PLA2G15: variants seen among roughly 807,000 people sequenced by gnomAD.
PLA2G15 encodes lysosomal phospholipase A and acyltransferase.
Under a neutral mutation model 40.9 loss-of-function variants are expected in PLA2G15, and 20 were observed. The ratio of observed to expected loss-of-function variants is 0.49; its 90% CI spans 0.34 to 0.71. The LOEUF is 0.71. PLA2G15 is among the 30% of genes least tolerant of loss of function. PLA2G15 has a pLI of 0.01. For missense variants in PLA2G15, 471 were observed against 541.9 expected (o/e 0.87, Z 1.30); for synonymous variants, 223 against 228.2 (o/e 0.98, Z 0.21).
intron 1 of PLA2G15, chr16:68,248,141 C>T (rs2042324512): frequency 6.6e-6 from 1 of 152,300 alleles, no homozygotes; most frequent in Non-Finnish European, 1.5e-5. Context: ...GGACTCTGGC[C>T]TTTAGTAAGG....
intron 2 of PLA2G15, among the ~76,000 whole-genome samples, chr16:68,252,320 T>C (rs1479316648): frequency 1.3e-5 from 2 of 152,202 alleles, no homozygotes; most frequent in Non-Finnish European, 2.9e-5. Context: ...GGCTGATATC[T>C]AAGTGGGCAA....
At position 68,255,328 on chromosome 16, in the gene PLA2G15, C is replaced by T. The variant is rs200627268; in HGVS notation, c.450C>T (p.Tyr150=). The T allele has an allele frequency of 6.2e-6, 10 of 1,614,010 alleles. No individual in the cohort carries two copies. Among genetic ancestry groups the T allele is most frequent in the Middle Eastern group, 1.7e-4 (1 of 6,060 alleles). The stretch of plus-strand genomic sequence containing the variant: ...TGGAGAGCCTTGTGGGCTGGGGCTA[C>T]ACACGGGGTGAGGATGTCCGAGGGG... The part of the protein sequence containing the change: ...TMVESLVGWG[Y]TRGEDVRGAP... Residue 150 remains tyrosine (Y), a synonymous_variant, in exon 4 of 6, where the codon TAC becomes TAT. Transcript: ENST00000219345. This position sits in a 1 kb window ranked among gnomAD's most constrained non-coding sequence, Gnocchi z 5.9.
In PLA2G15 at chr16:68,255,642, C is replaced by A; in HGVS notation, c.503-124C>A. On this transcript the variant is annotated intron_variant, in intron 4 of 5. Coordinates refer to ENST00000219345, the MANE Select transcript of PLA2G15 (RefSeq NM_012320.4). The surrounding 1 kb of genome is among the most constrained non-coding windows in gnomAD (Gnocchi z 5.9). ...TTCATGGAAGGCGGGGGGACCCAGA[C>A]CGCTCTGTTTGAATGTGAGCACCCT... The A allele has an allele frequency of 1.3e-6, 1 of 790,472 alleles. No individual in the cohort carries two copies. Among genetic ancestry groups the A allele is most frequent in the Non-Finnish European group, 2.1e-6 (1 of 471,992 alleles). The allele number at this position is 790,472 out of a possible 1,614,324, so 49.0% of individuals were successfully genotyped here.
chr16:68,256,701 G>A (rs747839770), intron 5 of PLA2G15, among the ~76,000 whole-genome samples: 2 of 151,824 alleles, frequency 1.3e-5, no homozygotes, highest in Non-Finnish European at 2.9e-5. Context: ...GTAGAGATGA[G>A]GTTTCATCAT....
chr16:68,251,252 G>A (rs999494814), intron 2 of PLA2G15, among the ~76,000 whole-genome samples: 11 of 152,180 alleles, frequency 7.2e-5, no homozygotes, highest in African/African-American at 2.4e-4. Flanking sequence ...AATGTGTGGC[G>A]TTGAGCTGAG....
chr16:68,255,699 A>C lies in PLA2G15; in HGVS notation c.503-67A>C, dbSNP rs1190621108. 1 of 1,358,444 alleles carries C rather than the reference A, an allele frequency of 7.4e-7. No homozygotes were observed. The highest frequency in any genetic ancestry group is 1.4e-5 in the African/African-American group (1 of 69,924). 84.1% of individuals were successfully genotyped at this position (1,358,444 alleles called of 1,614,324 possible). A position where few individuals can be genotyped will look rare whatever the true frequency, so the allele number is the denominator to read the frequency against. ...CCCCTCTCGTCTTGTGTCTGGCCTG[A>C]GAAAAGCTCAGTGGTTCCGGCTCCA... On this transcript the variant is annotated intron_variant, in intron 4 of 5. Coordinates refer to ENST00000219345, the MANE Select transcript of PLA2G15 (RefSeq NM_012320.4). The surrounding 1 kb of genome is among the most constrained non-coding windows in gnomAD (Gnocchi z 5.9).
chr16:68,259,074 C>T lies in PLA2G15; in HGVS notation c.728-72C>T, dbSNP rs749652499. On this transcript the variant is annotated intron_variant, in intron 5 of 5. Transcript: ENST00000219345. The surrounding 1 kb of genome is among the most constrained non-coding windows in gnomAD (Gnocchi z 6.5). The stretch of plus-strand genomic sequence containing the variant: ...GCCCCTGGCTGGGGTCTGGCAGGGG[C>T]CTGGTGGTGAACATGCTGCCCAACC... The T allele has an allele frequency of 2.9e-5, 40 of 1,363,312 alleles. No homozygotes were observed. The highest frequency in any genetic ancestry group is 4.0e-5 in the Non-Finnish European group (39 of 986,966). 84.5% of individuals were successfully genotyped at this position (1,363,312 alleles called of 1,614,324 possible).
chr16:68,245,480 G>C lies in PLA2G15; in HGVS notation c.54G>C (p.Leu18=), dbSNP rs767610937. ...TGGGGCTGCTCCCGGATGGCCTCCT[G>C]TTCCTCTTGCTGCTGCTAATGCTGC... The part of the protein sequence containing the change: ...YRVGLLPDGL[L]FLLLLLMLLA... The change falls in exon 1 of 6, where the codon CTG becomes CTC. Residue 18 remains leucine, a synonymous_variant. Coordinates refer to ENST00000219345, the MANE Select transcript of PLA2G15 (RefSeq NM_012320.4). The C allele has an allele frequency of 1.6e-5, 25 of 1,606,724 alleles. No individual in the cohort carries two copies. The highest frequency in any genetic ancestry group is 2.0e-5 in the Non-Finnish European group (24 of 1,179,638).
At position 68,259,923 on chromosome 16, in the gene PLA2G15, C is replaced by T. The variant is rs752703350; in HGVS notation, c.*266C>T. On this transcript the variant is annotated 3_prime_UTR_variant, in exon 6 of 6. Coordinates refer to ENST00000219345, the MANE Select transcript of PLA2G15 (RefSeq NM_012320.4). This position sits in a 1 kb window ranked among gnomAD's most constrained non-coding sequence, Gnocchi z 6.5. ...AACTGCTGTGACCTTAGGACTGGCTCCACAGGGTGGACTGGCTGGGCCCTG... is the reference window on the plus strand; with the variant it reads ...AACTGCTGTGACCTTAGGACTGGCTTCACAGGGTGGACTGGCTGGGCCCTG... 5 of 519,014 alleles carry T rather than the reference C, an allele frequency of 9.6e-6. No individual in the cohort carries two copies. The highest frequency in any genetic ancestry group is 1.7e-5 in the Non-Finnish European group (5 of 288,320). The allele number at this position is 519,014 out of a possible 1,614,324, so 32.2% of individuals were successfully genotyped here.
rs759838921 is a variant in PLA2G15 at position 68,245,541 on chromosome 16, C to G, written c.115C>G (p.Pro39Ala). Residue 39 changes from proline to alanine, a missense_variant, in exon 1 of 6, where the codon CCA (proline) becomes GCA (alanine). Coordinates refer to ENST00000219345, the MANE Select transcript of PLA2G15 (RefSeq NM_012320.4). Reference protein sequence around the residue: ...DPALPAGRHPPVVLVPGDLGN... With the variant: ...DPALPAGRHPAVVLVPGDLGN... The stretch of plus-strand genomic sequence containing the variant: ...AGCGCTCCCGGCCGGACGTCACCCC[C>G]CAGTGGTGCTGGGTGAGGCACGGGT... The G allele has an allele frequency of 2.5e-5, 40 of 1,583,804 alleles. No homozygotes were observed. In the Admixed American group the frequency reaches 3.0e-4, roughly 12 times the overall value.
At chr16:68,246,497 G>A (rs1347111220) in intron 1 of PLA2G15, among the ~76,000 whole-genome samples, 1 of 152,186 alleles carries the variant, frequency 6.6e-6, no homozygotes, top group Non-Finnish European at 1.5e-5. Flanking sequence ...AAATGGGGAC[G>A]ATGCAAATCA....
At chr16:68,252,647 G>A (rs1416341613) in intron 2 of PLA2G15, 1 of 454,836 alleles carries the variant, frequency 2.2e-6, no homozygotes, top group Admixed American at 2.4e-5. Flanking sequence ...AAGCTGCTGA[G>A]TCTGTGGTAA....
In PLA2G15 at chr16:68,259,417, T is replaced by C. The variant is rs3743739; in HGVS notation, c.999T>C (p.Gly333=). 288,852 of 1,613,804 alleles carry C rather than the reference T, an allele frequency of 0.18. 27,737 individuals are homozygous for C. The highest frequency in any genetic ancestry group is 0.33 in the African/African-American group (24,523 of 75,006). ...GCGTGCAGCTGCACTGCCTCTATGGTACTGGCGTCCCCACACCAGACTCCT... is the reference window on the plus strand; with the variant it reads ...GCGTGCAGCTGCACTGCCTCTATGGCACTGGCGTCCCCACACCAGACTCCT... ...PPGVQLHCLY[G]TGVPTPDSFY... The change falls in exon 6 of 6, where the codon GGT becomes GGC. Residue 333 remains glycine, a synonymous_variant. Coordinates refer to ENST00000219345, the MANE Select transcript of PLA2G15 (RefSeq NM_012320.4). The surrounding 1 kb of genome is among the most constrained non-coding windows in gnomAD (Gnocchi z 6.5).
rs369065362 is a variant in PLA2G15 at position 68,256,323 on chromosome 16, G to A, written c.727+333G>A. On this transcript the variant is annotated intron_variant, in intron 5 of 5. Transcript: ENST00000219345. ...ACTCCGATGCGATGTGTTGAACATT[G>A]AAGGATGATAACACAGAGGCTGTTT... 7.1e-5 allele frequency: 16 copies of A among 225,176 alleles called. No homozygotes were observed. In the East Asian group the frequency reaches 1.2e-3, roughly 16 times the overall value. 13.9% of individuals were successfully genotyped at this position (225,176 alleles called of 1,614,324 possible).
intron 1 of PLA2G15, among the ~76,000 whole-genome samples, chr16:68,248,867 C>G (rs934452006): frequency 4.6e-5 from 7 of 152,202 alleles, no homozygotes; most frequent in Non-Finnish European, 7.3e-5. Flanking sequence ...TCTCATTTAA[C>G]AGATACGGAA....
intron 2 of PLA2G15, among the ~76,000 whole-genome samples, chr16:68,249,659 A>C (rs2042338098): frequency 6.6e-6 from 1 of 151,866 alleles, no homozygotes; most frequent in Non-Finnish European, 1.5e-5. Flanking sequence ...TCTACTCTCC[A>C]GTCCTGGCCT....
At position 68,249,310 on chromosome 16, in the gene PLA2G15, C is replaced by G; in HGVS notation, c.148C>G (p.Gln50Glu). ...VVLVPGDLGN[Q>E]LEAKLDKPTV... ...TGCAGTCCCTGGTGATTTGGGTAAC[C>G]AACTGGAAGCCAAGCTGGACAAGCC... Residue 50 changes from glutamine to glutamate, a missense_variant, in exon 2 of 6, where the codon CAA becomes GAA. By Grantham distance (29) the Gln-to-Glu change is conservative. Transcript: ENST00000219345. The G allele has an allele frequency of 6.2e-7, 1 of 1,614,152 alleles. No individual in the cohort carries two copies.
At position 68,245,403 on chromosome 16, in the gene PLA2G15, G is replaced by T. The variant is rs781042611; in HGVS notation, c.-24G>T. ...CCCAGAGAGCTGAACCTGCATCCCG[G>T]ACCTGCGGCGACCGTCGTACACCAT... On this transcript the variant is annotated 5_prime_UTR_variant, in exon 1 of 6. Coordinates refer to ENST00000219345, the MANE Select transcript of PLA2G15 (RefSeq NM_012320.4). 10 of 1,600,436 alleles carry T rather than the reference G, an allele frequency of 6.2e-6. No individual in the cohort carries two copies. In the South Asian group the frequency reaches 8.8e-5, roughly 14 times the overall value.
chr16:68,245,617 T>G, intron 1 of PLA2G15, 64 bp downstream of exon 1: 7 of 1,495,836 alleles, frequency 4.7e-6, no homozygotes, highest in South Asian at 1.2e-5. Context: ...CGGGGCTGCC[T>G]TCCCGGTCTG....
Sources: allele counts gnomAD v4.1 joint callset (sites outside exome capture counted in the v4.1 genomes callset), GRCh38; gene constraint gnomAD v4.1.1; non-coding constraint Gnocchi (gnomAD v3.1); transcripts MANE v1.5; gene names NCBI Gene and HGNC (gene_info 2026-07-23, HGNC 2026-07-21).